Variants in NKAIN3 observed in about 807,000 individuals in gnomAD.
NKAIN3 encodes sodium/potassium-transporting ATPase subunit beta-1-interacting protein 3.
In NKAIN3, 25 loss-of-function variants were observed where a neutral mutation model predicts 30.2. The ratio of observed to expected loss-of-function variants is 0.83; its 90% CI spans 0.60 to 1.16. The LOEUF is 1.16. NKAIN3 is among the 50% of genes most tolerant of loss of function. The pLI, the probability that NKAIN3 is intolerant of heterozygous loss-of-function variation, is 0.00. For missense variants in NKAIN3, 225 were observed against 254.1 expected (o/e 0.89, Z 0.78); for synonymous variants, 91 against 89.6 (o/e 1.02, Z -0.09).
chr8:62,456,553 C>A (rs750785940), intron 1 of NKAIN3, among the ~76,000 whole-genome samples: 10 of 151,702 alleles, frequency 6.6e-5, no homozygotes, highest in Non-Finnish European at 1.5e-4. Flanking sequence ...GGAAATCTTT[C>A]TTGATCTCTG....
chr8:62,392,570 A>T (rs923015545), intron 1 of NKAIN3, among the ~76,000 whole-genome samples: 1 of 152,034 alleles, frequency 6.6e-6, no homozygotes, highest in Admixed American at 6.5e-5. Flanking sequence ...TGCAAAGAAA[A>T]GCATAAATGT....
At position 62,738,470 on chromosome 8, in the gene NKAIN3, G is replaced by T. The variant is rs570830188; in HGVS notation, c.274-8462G>T. 2.5e-3 allele frequency among the ~76,000 whole-genome samples: 375 copies of T among 152,054 alleles called. 1 individual carries two copies. Among genetic ancestry groups the T allele is most frequent in the African/African-American group, 7.9e-3 (327 of 41,478 alleles). ...AAAAATTAGCCGGGCATGGTGGCAT[G>T]TGCCTGTAATCCCAGCTACTCGGGA... On this transcript the variant is annotated intron_variant, in intron 3 of 6. Transcript: ENST00000623646.
intron 4 of NKAIN3, among the ~76,000 whole-genome samples, chr8:62,916,697 A>C (rs1158617963): frequency 2.6e-5 from 4 of 152,164 alleles, no homozygotes; most frequent in African/African-American, 4.8e-5. Flanking sequence ...TTCAACTTGC[A>C]GATTTGCAGA....
chr8:62,345,496 CAT>C (rs1554669305), intron 1 of NKAIN3, among the ~76,000 whole-genome samples: 2 of 117,520 alleles, frequency 1.7e-5, no homozygotes, highest in Non-Finnish European at 3.4e-5. Context: ...TATATACACA[CAT>C]ATATACACAT....
chr8:62,341,203 T>C (rs1815734506), intron 1 of NKAIN3, among the ~76,000 whole-genome samples: 1 of 152,060 alleles, frequency 6.6e-6, no homozygotes, highest in Admixed American at 6.6e-5. Context: ...TATGTAATTA[T>C]GAGTTCAACA....
intron 1 of NKAIN3, among the ~76,000 whole-genome samples, chr8:62,532,736 T>C (rs1175784307): frequency 6.6e-6 from 1 of 152,190 alleles, no homozygotes; most frequent in Non-Finnish European, 1.5e-5. Flanking sequence ...AAAGGCTTAT[T>C]ACTGGAACCT....
intron 4 of NKAIN3, among the ~76,000 whole-genome samples, chr8:62,753,208 GCA>G (rs10636968): frequency 0.095 from 13,994 of 146,972 alleles, 674 homozygotes; most frequent in African/African-American, 0.11. Flanking sequence ...TAAAGAGGAT[GCA>G]CACACACACA....
chr8:62,523,594 G>T (rs1330572810), intron 1 of NKAIN3, among the ~76,000 whole-genome samples: 1 of 152,122 alleles, frequency 6.6e-6, no homozygotes, highest in Non-Finnish European at 1.5e-5. Flanking sequence ...AAATCAACAT[G>T]TTTAGGACTG....
intron 3 of NKAIN3, among the ~76,000 whole-genome samples, chr8:62,635,485 T>C (rs566360844): frequency 8.5e-5 from 13 of 152,282 alleles, no homozygotes; most frequent in East Asian, 3.9e-4. Flanking sequence ...GGATTTATTG[T>C]TGGGAACTGC....
At chr8:62,839,214 C>T (rs1477552930) in intron 4 of NKAIN3, among the ~76,000 whole-genome samples, 1 of 120,394 alleles carries the variant, frequency 8.3e-6, no homozygotes, top group East Asian at 2.1e-4. Flanking sequence ...TTTATTTACG[C>T]ACGCTTAATT....
intron 1 of NKAIN3, among the ~76,000 whole-genome samples, chr8:62,528,421 A>G (rs1808385803): frequency 6.6e-6 from 1 of 150,664 alleles, no homozygotes; most frequent in South Asian, 2.1e-4. Context: ...CCAGTTTGTC[A>G]CTGTGGTGGG....
At chr8:62,739,094 T>C (rs1398910771) in intron 3 of NKAIN3, among the ~76,000 whole-genome samples, 1 of 152,024 alleles carries the variant, frequency 6.6e-6, no homozygotes, top group Non-Finnish European at 1.5e-5. Flanking sequence ...GAGGGAAACA[T>C]CACACACCAG....
intron 1 of NKAIN3, among the ~76,000 whole-genome samples, chr8:62,533,983 T>G (rs1304840277): frequency 1.3e-5 from 2 of 152,164 alleles, no homozygotes; most frequent in Admixed American, 6.5e-5. Flanking sequence ...AGTCCCTTTC[T>G]GTGATTGTCT....
chr8:62,848,565 C>G (rs1819761170), intron 4 of NKAIN3, among the ~76,000 whole-genome samples: 1 of 152,016 alleles, frequency 6.6e-6, no homozygotes, highest in South Asian at 2.1e-4. Flanking sequence ...TAAGAAGCTT[C>G]TTGGCCGAGA....
At chr8:62,849,719 C>T (rs1057445774) in intron 4 of NKAIN3, among the ~76,000 whole-genome samples, 1 of 146,868 alleles carries the variant, frequency 6.8e-6, no homozygotes, top group African/African-American at 2.5e-5. Flanking sequence ...GTTTTTTGTC[C>T]TTCCGATAGT....
chr8:62,840,608 G>A (rs1053798835), intron 4 of NKAIN3, among the ~76,000 whole-genome samples: 6 of 151,900 alleles, frequency 3.9e-5, no homozygotes, highest in South Asian at 4.2e-4. Flanking sequence ...TTGACCTTCC[G>A]GGATAAAAGG....
At chr8:62,527,749 T>C (rs759960569) in intron 1 of NKAIN3, among the ~76,000 whole-genome samples, 3 of 152,206 alleles carry the variant, frequency 2.0e-5, no homozygotes, top group Non-Finnish European at 2.9e-5. Flanking sequence ...GAAGTGTTCA[T>C]GCTTTATGTA....
intron 1 of NKAIN3, among the ~76,000 whole-genome samples, chr8:62,388,386 A>T (rs1817490437): frequency 6.6e-6 from 1 of 152,254 alleles, no homozygotes. Context: ...TTATATTTGA[A>T]GCATGGATTT....
intron 4 of NKAIN3, among the ~76,000 whole-genome samples, chr8:62,881,995 T>G (rs1027945035): frequency 6.6e-6 from 1 of 152,234 alleles, no homozygotes; most frequent in African/African-American, 2.4e-5. Flanking sequence ...AATACCTTAG[T>G]GACATATGAT....
Sources: gnomAD v4.1 joint callset for allele counts (sites outside exome capture counted in the v4.1 genomes callset) on GRCh38, gnomAD v4.1.1 for gene constraint, MANE v1.5 for transcripts, NCBI Gene and HGNC (gene_info 2026-07-23, HGNC 2026-07-21) for gene names.